The following VTI1A variants were observed in gnomAD, a reference collection of about 807,000 sequenced individuals.
VTI1A encodes vesicle transport through interaction with t-SNAREs homolog 1A.
In VTI1A, 22 loss-of-function variants were observed where a neutral mutation model predicts 34.9. The ratio of observed to expected loss-of-function variants is 0.63; its 90% CI spans 0.45 to 0.90. The LOEUF (loss-of-function observed/expected upper bound fraction) is 0.90, where lower values mean the gene tolerates loss of function less well. Ranked by LOEUF, VTI1A falls within the 40% of genes least tolerant of loss-of-function variation. The pLI is 0.00. For synonymous variants in VTI1A, 87 were observed against 97.3 expected (o/e 0.89, Z 0.62); for missense variants, 268 against 275.6 (o/e 0.97, Z 0.20).
At chr10:112,746,235 A>G (rs1850891557) in intron 7 of VTI1A, among the ~76,000 whole-genome samples, 1 of 152,236 alleles carries the variant, frequency 6.6e-6, no homozygotes, top group African/African-American at 2.4e-5. Context: ...CATGTTTTAG[A>G]AACCATGTTG....
chr10:112,474,337 GC>G (rs751897729), intron 3 of VTI1A, among the ~76,000 whole-genome samples: 7 of 152,048 alleles, frequency 4.6e-5, no homozygotes, highest in Non-Finnish European at 8.8e-5. Context: ...ACAGGCGTGA[GC>G]CACCACGCCC....
chr10:112,555,756 A>T (rs73365077), intron 5 of VTI1A, among the ~76,000 whole-genome samples: 280 of 152,086 alleles, frequency 1.8e-3, no homozygotes, highest in African/African-American at 6.3e-3. Flanking sequence ...TACTTATTTC[A>T]GCCTTTTAAA....
chr10:112,854,922 CAGTG>C, the VTI1A span, among the ~76,000 whole-genome samples: 1 of 152,170 alleles, frequency 6.6e-6, no homozygotes, highest in Non-Finnish European at 1.5e-5. Context: ...TTCCGGGCCT[CAGTG>C]AGGGAGGGGA....
intron 7 of VTI1A, among the ~76,000 whole-genome samples, chr10:112,716,578 G>A (rs1175476622): frequency 3.9e-5 from 6 of 152,076 alleles, no homozygotes; most frequent in Non-Finnish European, 8.8e-5. Context: ...AGAGAACAGG[G>A]ACATGGAGGC....
intron 7 of VTI1A, among the ~76,000 whole-genome samples, chr10:112,732,618 T>C (rs1850305688): frequency 6.6e-6 from 1 of 152,208 alleles, no homozygotes; most frequent in African/African-American, 2.4e-5. Flanking sequence ...CCACTCCTTG[T>C]TTCATGACCT....
At chr10:112,502,186 C>A (rs1472655026) in intron 3 of VTI1A, among the ~76,000 whole-genome samples, 1 of 151,752 alleles carries the variant, frequency 6.6e-6, no homozygotes, top group African/African-American at 2.4e-5. Context: ...TGCCACCACA[C>A]CCAGCTAATT....
At chr10:112,726,389 C>T (rs1306919457) in intron 7 of VTI1A, among the ~76,000 whole-genome samples, 1 of 152,174 alleles carries the variant, frequency 6.6e-6, no homozygotes, top group African/African-American at 2.4e-5. Context: ...GGGAGTCAAC[C>T]TCCTGTTGCT....
At chr10:112,826,857 G>A in the VTI1A span, 2 of 152,284 alleles carry the variant, frequency 1.3e-5, no homozygotes, top group African/African-American at 4.8e-5. Flanking sequence ...GTAGCATCCC[G>A]TCACGTTCTG....
intron 7 of VTI1A, among the ~76,000 whole-genome samples, chr10:112,688,140 G>T (rs1212698250): frequency 6.6e-6 from 1 of 151,448 alleles, no homozygotes; most frequent in African/African-American, 2.4e-5. Flanking sequence ...TTTTAGTAGA[G>T]ACAGGGTTTC....
At chr10:112,550,085 T>C (rs1200877861) in intron 5 of VTI1A, among the ~76,000 whole-genome samples, 2 of 152,186 alleles carry the variant, frequency 1.3e-5, no homozygotes, top group Admixed American at 6.5e-5. Flanking sequence ...AAAAGTGTTA[T>C]ACTCATTTTT....
At chr10:112,595,018 C>G (rs893728391) in intron 5 of VTI1A, among the ~76,000 whole-genome samples, 1 of 145,794 alleles carries the variant, frequency 6.9e-6, no homozygotes, top group Non-Finnish European at 1.5e-5. Flanking sequence ...ATATCTACAA[C>G]TATCTGATCT....
chr10:112,478,992 C>A (rs1848373716), intron 3 of VTI1A, among the ~76,000 whole-genome samples: 1 of 152,060 alleles, frequency 6.6e-6, no homozygotes, highest in African/African-American at 2.4e-5. Context: ...CATGGTGAAA[C>A]CCTGTCTGTA....
the VTI1A span, among the ~76,000 whole-genome samples, chr10:112,829,256 A>G: frequency 6.6e-6 from 1 of 151,362 alleles, no homozygotes; most frequent in East Asian, 2.0e-4. Context: ...CATCCGGGCT[A>G]ACACGGTGAA....
At chr10:112,681,686 C>T (rs1564881374) in intron 7 of VTI1A, among the ~76,000 whole-genome samples, 1 of 152,258 alleles carries the variant, frequency 6.6e-6, no homozygotes, top group Non-Finnish European at 1.5e-5. Context: ...CAAATTTTCA[C>T]ACACTTGACT....
At chr10:112,678,062 G>A (rs1166497498) in intron 7 of VTI1A, among the ~76,000 whole-genome samples, 1 of 152,096 alleles carries the variant, frequency 6.6e-6, no homozygotes, top group Non-Finnish European at 1.5e-5. Context: ...TTGCACTTTG[G>A]CTACATGTAA....
At chr10:112,591,885 G>A (rs143056445) in intron 5 of VTI1A, among the ~76,000 whole-genome samples, 46 of 152,318 alleles carry the variant, frequency 3.0e-4, no homozygotes, top group Non-Finnish European at 5.4e-4. Flanking sequence ...TAACCAGTGG[G>A]CCTAATCCAA....
intron 3 of VTI1A, among the ~76,000 whole-genome samples, chr10:112,498,967 C>T (rs1269494516): frequency 1.3e-5 from 2 of 151,968 alleles, no homozygotes; most frequent in Non-Finnish European, 2.9e-5. Flanking sequence ...AGAAAGGGGG[C>T]GGGAGGGTTG....
intron 7 of VTI1A, among the ~76,000 whole-genome samples, chr10:112,704,669 G>A (rs1849130630): frequency 6.6e-6 from 1 of 152,030 alleles, no homozygotes; most frequent in African/African-American, 2.4e-5. Flanking sequence ...TTATTGAGGT[G>A]TTTGTTATGT....
chr10:112,527,398 CTT>C, intron 4 of VTI1A: 1 of 351,476 alleles, frequency 2.8e-6, no homozygotes, highest in Non-Finnish European at 5.1e-6. Context: ...CTTTTCTTCT[CTT>C]TTCTTTATTA....
Sources: gnomAD v4.1 joint callset for allele counts (sites outside exome capture counted in the v4.1 genomes callset) on GRCh38, gnomAD v4.1.1 for gene constraint, MANE v1.5 for transcripts, NCBI Gene and HGNC (gene_info 2026-07-23, HGNC 2026-07-21) for gene names.